ARHGAP45: variants seen among roughly 807,000 people sequenced by gnomAD.
ARHGAP45 encodes the protein rho GTPase-activating protein 45.
A neutral mutation model predicts 116.1 loss-of-function variants in ARHGAP45; 56 were observed. The ratio of observed to expected loss-of-function variants is 0.48; its 90% CI spans 0.39 to 0.60. The LOEUF is 0.60. ARHGAP45 is among the 20% of genes least tolerant of loss of function. The probability of loss-of-function intolerance (pLI) is 0.00; values close to 1 mark genes in which losing one functional copy is unlikely to be tolerated. For synonymous variants in ARHGAP45, 866 were observed against 701.7 expected (o/e 1.23, Z -3.70); for missense variants, 1,622 against 1,601.0 (o/e 1.01, Z -0.22).
chr19:1,067,777 T>C, intron 1 of ARHGAP45: 1 of 636,594 alleles, frequency 1.6e-6, no homozygotes, highest in South Asian at 1.7e-5. Flanking sequence ...GACGATGTTG[T>C]GTTTGGGCCG....
chr19:1,085,649 C>T lies in ARHGAP45; in HGVS notation c.3065-11C>T, dbSNP rs2043605783. On this transcript the variant is annotated splice_polypyrimidine_tract_variant and intron_variant, in intron 22 of 22. Coordinates refer to ENST00000313093, the MANE Select transcript of ARHGAP45 (RefSeq NM_012292.5). The stretch of plus-strand genomic sequence containing the variant: ...GTCTGTCTCCCCCCGCCATCTGTCT[C>T]CCTTTCTTAGAATCCCGAGTTGTGT... The T allele has an allele frequency of 1.3e-6, 2 of 1,542,258 alleles. No individual in the cohort carries two copies. The highest frequency in any genetic ancestry group is 1.4e-5 in the African/African-American group (1 of 72,838).
Position 1,074,336 on chromosome 19 carries a change from C to A in ARHGAP45, c.929-7C>A. On this transcript the variant is annotated splice_polypyrimidine_tract_variant and splice_region_variant and intron_variant, in intron 7 of 22. Coordinates refer to ENST00000313093, the MANE Select transcript of ARHGAP45 (RefSeq NM_012292.5). ...CCCAGCACCTCACACCCCTCTCCGG[C>A]CCGCAGAGATGGAGTTTGCCAAGGG... The A allele has an allele frequency of 6.2e-7, 1 of 1,610,744 alleles. No homozygotes were observed. Among genetic ancestry groups the A allele is most frequent in the East Asian group, 2.2e-5 (1 of 44,838 alleles).
In ARHGAP45 at chr19:1,076,374, T is replaced by A. The variant is rs537401596; in HGVS notation, c.1186-1483T>A. ...TATTAGAGAACTTAGGCCTTAATCA[T>A]GTGAGTTTTAGACTCCCCCCATTCC... On this transcript the variant is annotated intron_variant, in intron 10 of 22. Transcript: ENST00000313093. 2.0e-5 allele frequency among the ~76,000 whole-genome samples: 3 copies of A among 152,236 alleles called. No homozygotes were observed. The South Asian group carries it at 6.2e-4, about 32-fold the overall frequency.
At chr19:1,072,659 C>T (rs2043161401) in intron 2 of ARHGAP45, among the ~76,000 whole-genome samples, 1 of 152,204 alleles carries the variant, frequency 6.6e-6, no homozygotes, top group Non-Finnish European at 1.5e-5. Flanking sequence ...AGGCAGGATC[C>T]CTCTGCCTGG....
chr19:1,086,092 A>G lies in ARHGAP45; in HGVS notation c.*86A>G. On this transcript the variant is annotated 3_prime_UTR_variant, in exon 23 of 23. Coordinates refer to ENST00000313093, the MANE Select transcript of ARHGAP45 (RefSeq NM_012292.5). ...CGTCCCCTGCACCACGGCATAGCTT[A>G]GGTGCGCCGTCCTGGGGTCGCTGCC... 2 of 1,255,136 alleles carry G rather than the reference A, an allele frequency of 1.6e-6. No individual in the cohort carries two copies. Among genetic ancestry groups the G allele is most frequent in the Non-Finnish European group, 2.2e-6 (2 of 891,760 alleles). The allele number at this position is 1,255,136 out of a possible 1,614,324, so 77.7% of individuals were successfully genotyped here. A position where few individuals can be genotyped will look rare whatever the true frequency, so the allele number is the denominator to read the frequency against.
Position 1,081,862 on chromosome 19 carries a change from G to A in ARHGAP45, c.2418G>A (p.Glu806=), listed in dbSNP as rs984114871. The change falls in exon 19 of 23, where the codon GAG becomes GAA. Residue 806 remains glutamate, a synonymous_variant. Transcript: ENST00000313093. ...TCAATGGGGTAAAGACACGCGTGGAGAAGCTGTGCCAGGCCTTCGAGAACG... is the reference window on the plus strand; with the variant it reads ...TCAATGGGGTAAAGACACGCGTGGAAAAGCTGTGCCAGGCCTTCGAGAACG... ...YRVNGVKTRV[E]KLCQAFENGK... The A allele has an allele frequency of 2.0e-5, 32 of 1,612,900 alleles. No homozygotes were observed. Among genetic ancestry groups the A allele is most frequent in the Non-Finnish European group, 2.7e-5 (32 of 1,179,784 alleles).
rs566178365 is a variant in ARHGAP45 at position 1,068,443 on chromosome 19, G to A, written c.120G>A (p.Ala40=). The change falls in exon 2 of 23, where the codon GCG becomes GCA. Residue 40 remains alanine, a synonymous_variant. Coordinates refer to ENST00000313093, the MANE Select transcript of ARHGAP45 (RefSeq NM_012292.5). The surrounding 1 kb of genome is among the most constrained non-coding windows in gnomAD (Gnocchi z 7.5). ...TGCCCAGGAAGGATGGGGCTGACGC[G>A]GTGTTCCCCGGACCAAGCCTGGAGC... ...GELPRKDGAD[A]VFPGPSLEPP... 15 of 1,576,998 alleles carry A rather than the reference G, an allele frequency of 9.5e-6. No individual in the cohort carries two copies. Among genetic ancestry groups the A allele is most frequent in the Admixed American group, 5.4e-5 (3 of 55,238 alleles).
In ARHGAP45 at chr19:1,068,977, C is replaced by G. The variant is rs939409837; in HGVS notation, c.421+233C>G. Among the ~76,000 whole-genome samples, 2 of 151,806 alleles carry G rather than the reference C, an allele frequency of 1.3e-5. No individual in the cohort carries two copies. The highest frequency in any genetic ancestry group is 4.8e-5 in the African/African-American group (2 of 41,276). On this transcript the variant is annotated intron_variant, in intron 2 of 22. Transcript: ENST00000313093. The surrounding 1 kb of genome is among the most constrained non-coding windows in gnomAD (Gnocchi z 7.5). ...GCCCACTTTATTTTTTTTAAAGGATCTGATGGCAATTAGGAGGGAAAGGCA... is the reference window on the plus strand; with the variant it reads ...GCCCACTTTATTTTTTTTAAAGGATGTGATGGCAATTAGGAGGGAAAGGCA...
rs942773903 is a variant in ARHGAP45 at position 1,086,074 on chromosome 19, T to C, written c.*68T>C. 2 of 1,388,382 alleles carry C rather than the reference T, an allele frequency of 1.4e-6. No individual in the cohort carries two copies. The highest frequency in any genetic ancestry group is 2.0e-6 in the Non-Finnish European group (2 of 997,964). The allele number at this position is 1,388,382 out of a possible 1,614,324, so 86.0% of individuals were successfully genotyped here. On this transcript the variant is annotated 3_prime_UTR_variant, in exon 23 of 23. Transcript: ENST00000313093. ...GCTCCTGTCCCTCCAGCACGTCCCC[T>C]GCACCACGGCATAGCTTAGGTGCGC...
At chr19:1,066,200 G>A (rs751299372), upstream of ARHGAP45, 16 of 1,527,798 alleles carry the variant, frequency 1.0e-5, no homozygotes, top group East Asian at 3.7e-4. Flanking sequence ...GAAAGAGGTT[G>A]GGGTTTTGGG....
At chr19:1,067,876 C>T (rs1026348773) in intron 1 of ARHGAP45, among the ~76,000 whole-genome samples, 39 of 149,886 alleles carry the variant, frequency 2.6e-4, no homozygotes, top group African/African-American at 8.9e-4. Flanking sequence ...GAAGGTTGAC[C>T]GGGCAGCAGA....
intron 8 of ARHGAP45, 88 bp downstream of exon 8, chr19:1,074,495 G>A (rs1287911869): frequency 4.3e-6 from 6 of 1,409,768 alleles, no homozygotes; most frequent in Non-Finnish European, 5.7e-6. Flanking sequence ...CCAAGAGCAG[G>A]GGCTTCCCCT....
At chr19:1,075,720 C>T (rs954851040) in intron 10 of ARHGAP45, among the ~76,000 whole-genome samples, 5 of 152,142 alleles carry the variant, frequency 3.3e-5, no homozygotes, top group East Asian at 1.9e-4. Flanking sequence ...CTGCAATGAT[C>T]CTCCCACCTC....
Position 1,068,299 on chromosome 19 carries a change from C to T in ARHGAP45, c.91-115C>T, listed in dbSNP as rs2043076459. On this transcript the variant is annotated intron_variant, in intron 1 of 22. Coordinates refer to ENST00000313093, the MANE Select transcript of ARHGAP45 (RefSeq NM_012292.5). The surrounding 1 kb of genome is among the most constrained non-coding windows in gnomAD (Gnocchi z 7.5). ...GCCCTGTGACCTCTGGCCTTTGACC[C>T]CTGTGGGGTCAGGGTGATGGTGGCC... 1.1e-6 allele frequency: 1 copy of T among 921,526 alleles called. No individual in the cohort carries two copies. Among genetic ancestry groups the T allele is most frequent in the East Asian group, 2.8e-5 (1 of 36,094 alleles). 57.1% of individuals were successfully genotyped at this position (921,526 alleles called of 1,614,324 possible).
rs1478617824 is a variant in ARHGAP45, at chr19:1,071,091, C to G, written c.422-2058C>G. 2.1e-6 allele frequency: 2 copies of G among 962,804 alleles called. No homozygotes were observed. The allele number at this position is 962,804 out of a possible 1,614,324, so 59.6% of individuals were successfully genotyped here. On this transcript the variant is annotated intron_variant, in intron 2 of 22. Coordinates refer to ENST00000313093, the MANE Select transcript of ARHGAP45 (RefSeq NM_012292.5). The surrounding 1 kb of genome is among the most constrained non-coding windows in gnomAD (Gnocchi z 4.6). Reference sequence around the variant, plus strand: ...AGGTCTGGGCCTCAGTTTCCCTGCCCGTCCTCGACCCTCCCCACCTCGAAG... The same window carrying G: ...AGGTCTGGGCCTCAGTTTCCCTGCCGGTCCTCGACCCTCCCCACCTCGAAG...
intron 2 of ARHGAP45, among the ~76,000 whole-genome samples, chr19:1,070,830 C>T (rs1472559742): frequency 1.3e-5 from 2 of 152,154 alleles, no homozygotes; most frequent in Non-Finnish European, 2.9e-5. Context: ...CCAGAGAAGA[C>T]CCTGGCGGCT....
chr19:1,066,739 C>T (rs4147940), upstream of ARHGAP45: 41,981 of 153,860 alleles, frequency 0.27, 7,050 homozygotes, highest in East Asian at 0.44. Flanking sequence ...ACCCACTTCA[C>T]GGGGCTGCAG....
In ARHGAP45 at chr19:1,068,346, C is replaced by A. The variant is rs1463476720; in HGVS notation, c.91-68C>A. On this transcript the variant is annotated intron_variant, in intron 1 of 22. Transcript: ENST00000313093. This position sits in a 1 kb window ranked among gnomAD's most constrained non-coding sequence, Gnocchi z 7.5. ...GGCCCTCCACAGCCCCACTTCATTTCTGGGGAAACTGAGGCCGTGTCCAGG... is the reference window on the plus strand; with the variant it reads ...GGCCCTCCACAGCCCCACTTCATTTATGGGGAAACTGAGGCCGTGTCCAGG... The A allele has an allele frequency of 3.6e-6, 5 of 1,373,350 alleles. No individual in the cohort carries two copies. Among genetic ancestry groups the A allele is most frequent in the Non-Finnish European group, 4.9e-6 (5 of 1,027,914 alleles). The allele number at this position is 1,373,350 out of a possible 1,614,324, so 85.1% of individuals were successfully genotyped here.
intron 22 of ARHGAP45, among the ~76,000 whole-genome samples, 192 bp from the exon 23 acceptor site, chr19:1,085,468 C>T (rs764415853): frequency 4.6e-5 from 7 of 151,164 alleles, no homozygotes; most frequent in Non-Finnish European, 8.9e-5. Flanking sequence ...TCCTCCTCCC[C>T]GCCATGTCTC....
Sources: allele counts gnomAD v4.1 joint callset (sites outside exome capture counted in the v4.1 genomes callset), GRCh38; gene constraint gnomAD v4.1.1; non-coding constraint Gnocchi (gnomAD v3.1); transcripts MANE v1.5; gene names NCBI Gene and HGNC (gene_info 2026-07-23, HGNC 2026-07-21).